The following CNTNAP2 variants were observed in gnomAD, a reference collection of about 807,000 sequenced individuals.
The protein encoded by CNTNAP2 is contactin associated protein 2, also known as contactin-associated protein-like 2.
A neutral mutation model predicts 155.2 loss-of-function variants in CNTNAP2; 98 were observed. That is an observed-to-expected ratio of 0.63 (90% CI 0.54 to 0.75). The LOEUF (loss-of-function observed/expected upper bound fraction) is 0.75. Ranked by LOEUF, CNTNAP2 falls within the 30% of genes least tolerant of loss-of-function variation. CNTNAP2 has a pLI of 0.00. For missense variants in CNTNAP2, 1,727 were observed against 1,688.1 expected (o/e 1.02, Z -0.40); for synonymous variants, 651 against 631.2 (o/e 1.03, Z -0.47).
chr7:147,837,896 G>T (rs1258436500), intron 13 of CNTNAP2, among the ~76,000 whole-genome samples: 1 of 152,178 alleles, frequency 6.6e-6, no homozygotes, highest in Admixed American at 6.5e-5. Flanking sequence ...CCTCCTGACT[G>T]CTTTCATGGG....
At chr7:147,577,295 T>G (rs1252503267) in intron 12 of CNTNAP2, among the ~76,000 whole-genome samples, 1 of 152,082 alleles carries the variant, frequency 6.6e-6, no homozygotes, top group African/African-American at 2.4e-5. Context: ...CATTGCTTCT[T>G]TAATATATCC....
At chr7:146,587,693 A>C (rs2129148890) in intron 1 of CNTNAP2, among the ~76,000 whole-genome samples, 1 of 150,590 alleles carries the variant, frequency 6.6e-6, no homozygotes, top group South Asian at 2.1e-4. Flanking sequence ...TTTTTTTGAG[A>C]CGGAATTTTG....
intron 14 of CNTNAP2, among the ~76,000 whole-genome samples, chr7:147,906,314 G>A (rs1165272848): frequency 6.6e-6 from 1 of 151,816 alleles, no homozygotes; most frequent in Non-Finnish European, 1.5e-5. Context: ...GCCTCTGCTG[G>A]CACCTGCCAC....
At chr7:148,172,726 C>A (rs1015709886) in intron 18 of CNTNAP2, among the ~76,000 whole-genome samples, 1 of 152,034 alleles carries the variant, frequency 6.6e-6, no homozygotes, top group South Asian at 2.1e-4. Flanking sequence ...TATTCACTGC[C>A]CGAAACACTA....
intron 3 of CNTNAP2, among the ~76,000 whole-genome samples, chr7:147,017,230 C>A (rs766939222): frequency 6.6e-6 from 1 of 151,930 alleles, no homozygotes; most frequent in African/African-American, 2.4e-5. Context: ...TTCCCAACAT[C>A]GCCATTTATT....
chr7:147,484,099 A>C (rs1443796370), intron 10 of CNTNAP2, among the ~76,000 whole-genome samples: 1 of 151,934 alleles, frequency 6.6e-6, no homozygotes, highest in African/African-American at 2.4e-5. Flanking sequence ...TGACTCATCA[A>C]ATTCTTCTGG....
At chr7:146,898,161 T>C (rs1364383118) in intron 3 of CNTNAP2, among the ~76,000 whole-genome samples, 2 of 152,130 alleles carry the variant, frequency 1.3e-5, no homozygotes, top group Non-Finnish European at 2.9e-5. Context: ...ATATAACTTA[T>C]TGTCAATTCT....
At chr7:147,148,425 T>A (rs1801756604) in intron 8 of CNTNAP2, among the ~76,000 whole-genome samples, 1 of 151,414 alleles carries the variant, frequency 6.6e-6, no homozygotes, top group Admixed American at 6.6e-5. Context: ...GGTATTCAAT[T>A]TAGACTCAGA....
At chr7:146,663,318 G>GA (rs58871748) in intron 1 of CNTNAP2, among the ~76,000 whole-genome samples, 7,321 of 140,722 alleles carry the variant, frequency 0.052, 285 homozygotes, top group African/African-American at 0.12. Context: ...AAAAAGAAAG[G>GA]AAAAAAAAAG....
At chr7:148,234,050 T>C (rs749967432) in intron 20 of CNTNAP2, among the ~76,000 whole-genome samples, 4 of 152,222 alleles carry the variant, frequency 2.6e-5, no homozygotes, top group Non-Finnish European at 4.4e-5. Context: ...GTACAGCCTG[T>C]AGAACTGTGA....
At chr7:146,735,162 C>A (rs1272875100) in intron 1 of CNTNAP2, among the ~76,000 whole-genome samples, 2 of 152,052 alleles carry the variant, frequency 1.3e-5, no homozygotes, top group East Asian at 3.9e-4. Context: ...TTTGAAAAAT[C>A]TTTGTAATTT....
intron 1 of CNTNAP2, among the ~76,000 whole-genome samples, chr7:146,387,223 A>G (rs1795474245): frequency 6.6e-6 from 1 of 152,160 alleles, no homozygotes; most frequent in African/African-American, 2.4e-5. Flanking sequence ...TTGGGCTTTA[A>G]CTTTTCTGGA....
intron 13 of CNTNAP2, among the ~76,000 whole-genome samples, chr7:147,739,285 T>C (rs2373179): frequency 0.64 from 97,141 of 151,928 alleles, 34,221 homozygotes; most frequent in East Asian, 0.96. Context: ...ATTGTGTATG[T>C]GTGTGTTTGT....
At chr7:147,332,707 C>G (rs976482890) in intron 9 of CNTNAP2, among the ~76,000 whole-genome samples, 3 of 152,018 alleles carry the variant, frequency 2.0e-5, no homozygotes, top group African/African-American at 4.8e-5. Context: ...ACTAATAGTA[C>G]AAGAATTAGC....
At chr7:147,601,644 A>AAAAATATAT (rs1299075338) in intron 12 of CNTNAP2, among the ~76,000 whole-genome samples, 7 of 87,450 alleles carry the variant, frequency 8.0e-5, no homozygotes, top group Admixed American at 4.4e-4. Flanking sequence ...CTTAAAAAAA[A>AAAAATATAT]ATATATATAT....
intron 12 of CNTNAP2, among the ~76,000 whole-genome samples, chr7:147,605,780 G>A (rs752244307): frequency 2.3e-4 from 35 of 152,048 alleles, no homozygotes; most frequent in Admixed American, 5.9e-4. Flanking sequence ...AGAGAACTTG[G>A]TTCTCCTTCA....
intron 20 of CNTNAP2, among the ~76,000 whole-genome samples, chr7:148,254,889 C>T (rs1247149768): frequency 6.6e-6 from 1 of 151,892 alleles, no homozygotes; most frequent in Non-Finnish European, 1.5e-5. Flanking sequence ...TTTCTTCCTC[C>T]CTTTTCCACG....
At chr7:147,257,753 G>A (rs572965195) in intron 8 of CNTNAP2, among the ~76,000 whole-genome samples, 2 of 152,312 alleles carry the variant, frequency 1.3e-5, no homozygotes, top group African/African-American at 4.8e-5. Flanking sequence ...CACATGGAGG[G>A]TGATAATGAA....
At chr7:147,296,306 A>G (rs1241387818) in intron 8 of CNTNAP2, among the ~76,000 whole-genome samples, 2 of 152,224 alleles carry the variant, frequency 1.3e-5, no homozygotes, top group Non-Finnish European at 2.9e-5. Flanking sequence ...TGTACTTTAA[A>G]GGGAAATGCT....
Sources: gnomAD v4.1 joint callset for allele counts (sites outside exome capture counted in the v4.1 genomes callset) on GRCh38, gnomAD v4.1.1 for gene constraint, MANE v1.5 for transcripts, NCBI Gene and HGNC (gene_info 2026-07-23, HGNC 2026-07-21) for gene names.